NCBP1: variants seen among roughly 807,000 people sequenced by gnomAD.
NCBP1 encodes nuclear cap-binding protein subunit 1.
Under a neutral mutation model 111.7 loss-of-function variants are expected in NCBP1, and 16 were observed. The ratio of observed to expected loss-of-function variants is 0.14; its 90% CI spans 0.10 to 0.22. NCBP1 has a LOEUF of 0.22. NCBP1 is among the 10% of genes least tolerant of loss of function. The probability of loss-of-function intolerance (pLI) is 1.00; values close to 1 mark genes in which losing one functional copy is unlikely to be tolerated. For missense variants in NCBP1, 607 were observed against 957.5 expected, an observed-to-expected ratio of 0.63 and a Z score of 4.83; for synonymous variants, 304 against 314.3, an observed-to-expected ratio of 0.97 and a Z score of 0.35.
At position 97,664,446 on chromosome 9, in the gene NCBP1, A is replaced by AT. The variant is rs748816319; in HGVS notation, c.1901+3_1901+4insT. 19 of 1,575,812 alleles carry AT rather than the reference A, an allele frequency of 1.2e-5. No individual in the cohort carries two copies. The highest frequency in any genetic ancestry group is 1.7e-5 in the Non-Finnish European group (19 of 1,146,924). Reference sequence around the variant, plus strand: ...GAACTATCTCGTGACTTTACCAGGTAATATAAATTATTTTATGAAACTTGT... The same window carrying AT: ...GAACTATCTCGTGACTTTACCAGGTATATATAAATTATTTTATGAAACTTGT... On this transcript the variant is annotated splice_donor_region_variant and intron_variant, in intron 19 of 22. Transcript: ENST00000375147.
intron 1 of NCBP1, among the ~76,000 whole-genome samples, chr9:97,638,336 T>C (rs1034222103): frequency 1.3e-5 from 2 of 152,206 alleles, no homozygotes; most frequent in African/African-American, 2.4e-5. Flanking sequence ...AGTTCAGAGA[T>C]GTGACTATGT....
At chr9:97,659,241 A>G (rs1564026338) in intron 15 of NCBP1, among the ~76,000 whole-genome samples, 2 of 152,246 alleles carry the variant, frequency 1.3e-5, no homozygotes, top group African/African-American at 4.8e-5. Context: ...TAGTATTTAC[A>G]CTTAATGAAG....
At chr9:97,657,290 A>G (rs531592780) in intron 14 of NCBP1, among the ~76,000 whole-genome samples, 1 of 152,266 alleles carries the variant, frequency 6.6e-6, no homozygotes, top group South Asian at 2.1e-4. Context: ...ATCCAGGTAC[A>G]TATATAGTGT....
At chr9:97,636,637 CATAT>C (rs377027165) in intron 1 of NCBP1, among the ~76,000 whole-genome samples, 11,116 of 110,950 alleles carry the variant, frequency 0.1, 524 homozygotes, top group South Asian at 0.13. Flanking sequence ...GAAAGTAATA[CATAT>C]ATATATATAT....
In NCBP1 at chr9:97,647,535, G is replaced by T. The variant is rs146305083; in HGVS notation, c.655G>T (p.Ala219Ser). 7.4e-4 allele frequency: 1,192 copies of T among 1,613,138 alleles called. 8 individuals are homozygous for T. In the Middle Eastern group the frequency reaches 0.015, roughly 20 times the overall value. ...TGTACCCATGTTACAGGTATGGACT[G>T]CTGATAAACCACATCCACAAGAAGA... The part of the protein sequence containing the change: ...THVPMLQVWT[A>S]DKPHPQEEYL... Residue 219 changes from alanine to serine, a missense_variant, in exon 7 of 23, where the codon GCT becomes TCT. Transcript: ENST00000375147.
At chr9:97,663,470 C>G (rs60821994) in intron 18 of NCBP1, among the ~76,000 whole-genome samples, 17,952 of 151,798 alleles carry the variant, frequency 0.12, 3,013 homozygotes, top group African/African-American at 0.37. Flanking sequence ...TTTTTGAATA[C>G]GTATTAGTAC....
In NCBP1 at chr9:97,654,885, A is replaced by G; in HGVS notation, c.1176A>G (p.Ala392=). Residue 392 remains alanine, a synonymous_variant, in exon 12 of 23, where the codon GCA becomes GCG. Transcript: ENST00000375147. ...LQPGSLPQVL[A]QATEMLYMRL... ...TCCTTATCCTAAATTCACAGCTTGC[A>G]CAGGCAACTGAAATGCTATACATGC... is the stretch of plus-strand genomic sequence containing the variant. 6.2e-7 allele frequency: 1 copy of G among 1,613,746 alleles called. No homozygotes were observed. Among genetic ancestry groups the G allele is most frequent in the Non-Finnish European group, 8.5e-7 (1 of 1,179,876 alleles).
intron 6 of NCBP1, among the ~76,000 whole-genome samples, chr9:97,646,819 A>G (rs1352006037): frequency 6.9e-6 from 1 of 145,460 alleles, no homozygotes; most frequent in Non-Finnish European, 1.5e-5. Flanking sequence ...CAGCCTGGGC[A>G]ACAGAGTGAG....
chr9:97,643,134 T>G (rs1485642181), intron 3 of NCBP1, 70 bp from the exon 4 acceptor site: 1 of 1,425,526 alleles, frequency 7.0e-7, no homozygotes. Flanking sequence ...GATAAAAAGA[T>G]TCACATAAAA....
chr9:97,644,281 C>T (rs899511721), intron 4 of NCBP1, among the ~76,000 whole-genome samples: 2 of 152,136 alleles, frequency 1.3e-5, no homozygotes, highest in African/African-American at 4.8e-5. Flanking sequence ...CAGTCTGTTT[C>T]TCTATTCTTG....
chr9:97,646,960 A>C (rs532978276), intron 6 of NCBP1, among the ~76,000 whole-genome samples: 11 of 130,026 alleles, frequency 8.5e-5, no homozygotes, highest in African/African-American at 2.9e-4. Flanking sequence ...TTTTTTTCTT[A>C]CTATAACTTG....
chr9:97,633,945 C>T, intron 1 of NCBP1, 30 bp downstream of exon 1: 1 of 1,567,792 alleles, frequency 6.4e-7, no homozygotes, highest in South Asian at 1.2e-5. Context: ...CCACGGAGGC[C>T]GCTCCCGGTT....
At chr9:97,650,463 T>C in intron 8 of NCBP1, 40 bp from the exon 9 acceptor site, 1 of 1,440,252 alleles carries the variant, frequency 6.9e-7, no homozygotes, top group Non-Finnish European at 9.6e-7. Context: ...AGAAATCTGT[T>C]TTCTAGGCCT....
chr9:97,667,889 T>C (rs1004839398), intron 20 of NCBP1, among the ~76,000 whole-genome samples: 1 of 152,194 alleles, frequency 6.6e-6, no homozygotes, highest in Non-Finnish European at 1.5e-5. Flanking sequence ...TATTAGGTAG[T>C]AGTGCTCTAG....
chr9:97,665,415 G>C (rs1431463896), intron 19 of NCBP1, among the ~76,000 whole-genome samples: 1 of 152,194 alleles, frequency 6.6e-6, no homozygotes, highest in Non-Finnish European at 1.5e-5. Flanking sequence ...AAGTGTCACA[G>C]AGTGCTTTAT....
chr9:97,663,067 A>G lies in NCBP1; in HGVS notation c.1797+20A>G. On this transcript the variant is annotated intron_variant, in intron 18 of 22. Transcript: ENST00000375147. ...CCACAGGTAAAAATTATTTAATTAG[A>G]CATGTTGAAGCTCTGATTGTATGGG... 1 of 1,560,266 alleles carries G rather than the reference A, an allele frequency of 6.4e-7. No homozygotes were observed. The highest frequency in any genetic ancestry group is 1.1e-5 in the South Asian group (1 of 88,150).
chr9:97,664,748 G>C lies in NCBP1; in HGVS notation c.1901+305G>C, dbSNP rs1587724702. Among the ~76,000 whole-genome samples the C allele has an allele frequency of 3.3e-5, 5 of 152,304 alleles. No homozygotes were observed. The South Asian group carries it at 1.0e-3, about 32-fold the overall frequency. On this transcript the variant is annotated intron_variant, in intron 19 of 22. Coordinates refer to ENST00000375147, the MANE Select transcript of NCBP1 (RefSeq NM_002486.5). Reference sequence around the variant, plus strand: ...CTAGCAAGAGCCAGCTATGTGCAGAGTCTCAGCTAGTCCAGATGGAACTCG... The same window carrying C: ...CTAGCAAGAGCCAGCTATGTGCAGACTCTCAGCTAGTCCAGATGGAACTCG...
At chr9:97,639,721 T>G (rs1163395094) in intron 1 of NCBP1, among the ~76,000 whole-genome samples, 2 of 152,174 alleles carry the variant, frequency 1.3e-5, no homozygotes, top group Non-Finnish European at 2.9e-5. Context: ...GTTCCATACT[T>G]AACACTATTA....
chr9:97,664,368 T>C lies in NCBP1; in HGVS notation c.1826T>C (p.Ile609Thr). The change falls in exon 19 of 23, where the codon ATT (isoleucine) becomes ACT (threonine). Residue 609 changes from isoleucine (I) to threonine (T), a missense_variant. Around this residue, in one of 9 missense-constraint regions of NCBP1, gnomAD observed 282 missense variants for 376.5 expected, o/e 0.75. Coordinates refer to ENST00000375147, the MANE Select transcript of NCBP1 (RefSeq NM_002486.5). ...ATTGCTGTACTAGTGGATAAGATGA[T>C]TCGTACACAAATAGTTGATTGTGCT... ...QMIAVLVDKM[I>T]RTQIVDCAAV... 6.2e-7 allele frequency: 1 copy of C among 1,612,680 alleles called. No individual in the cohort carries two copies. Among genetic ancestry groups the C allele is most frequent in the East Asian group, 2.2e-5 (1 of 44,846 alleles).
Sources: allele counts gnomAD v4.1 joint callset (sites outside exome capture counted in the v4.1 genomes callset), GRCh38; gene constraint gnomAD v4.1.1; regional missense constraint gnomAD v4.1.1; transcripts MANE v1.5; gene names NCBI Gene and HGNC (gene_info 2026-07-23, HGNC 2026-07-21).